DCTN2: variants seen among roughly 807,000 people sequenced by gnomAD.
DCTN2 encodes the protein dynactin subunit 2.
Under a neutral mutation model 55.4 loss-of-function variants are expected in DCTN2, and 18 were observed. The ratio of observed to expected loss-of-function variants is 0.32; its 90% confidence interval spans 0.22 to 0.48. DCTN2 has a LOEUF of 0.48. DCTN2 is among the 20% of genes least tolerant of loss of function. The probability of loss-of-function intolerance (pLI) is 0.99; values close to 1 mark genes in which losing one functional copy is unlikely to be tolerated. For missense variants in DCTN2, 390 were observed against 491.0 expected (o/e 0.79, Z 1.94); for synonymous variants, 168 against 185.2 (o/e 0.91, Z 0.76).
rs1879831589 is a variant in DCTN2 at position 57,532,552 on chromosome 12, G to A, written c.924+20C>T. 1 of 1,612,950 alleles carries A rather than the reference G, an allele frequency of 6.2e-7. No individual in the cohort carries two copies. The highest frequency in any genetic ancestry group is 1.3e-5 in the African/African-American group (1 of 74,874). Reference sequence around the variant, plus strand: ...GAACCTGAGGGAGTGGAAAGGAGATGGGGAAGGTGTCTTCCTGACCTTGCT... The same window carrying A: ...GAACCTGAGGGAGTGGAAAGGAGATAGGGAAGGTGTCTTCCTGACCTTGCT... On this transcript the variant is annotated intron_variant, in intron 11 of 13. Coordinates refer to ENST00000548249, the MANE Select transcript of DCTN2 (RefSeq NM_001261413.2).
chr12:57,546,293 T>C lies in DCTN2; in HGVS notation c.37-197A>G, dbSNP rs1669296. ...GGGGTAGGGATGACAGCGGAAACAATTGGGACCTGACAGTAAACGGTGAGT... is the reference window on the plus strand; with the variant it reads ...GGGGTAGGGATGACAGCGGAAACAACTGGGACCTGACAGTAAACGGTGAGT... On this transcript the variant is annotated intron_variant, in intron 1 of 13. Coordinates refer to ENST00000548249, the MANE Select transcript of DCTN2 (RefSeq NM_001261413.2). 0.17 allele frequency among the ~76,000 whole-genome samples: 26,368 copies of C among 151,892 alleles called. 2,405 individuals carry two copies. Among genetic ancestry groups the C allele is most frequent in the East Asian group, 0.26 (1,355 of 5,142 alleles).
Position 57,532,997 on chromosome 12 carries a change from C to T in DCTN2, c.761G>A (p.Gly254Glu), listed in dbSNP as rs753967632. 6 of 1,603,570 alleles carry T rather than the reference C, an allele frequency of 3.7e-6. No individual in the cohort carries two copies. The highest frequency in any genetic ancestry group is 1.7e-6 in the Non-Finnish European group (2 of 1,175,058). The change falls in exon 9 of 14, where the codon GGA becomes GAA. Residue 254 changes from glycine to glutamate, a missense_variant. Transcript: ENST00000548249. ...TTCCAAACTCACCATGAGACAGGCT[C>T]CCTGTAGACCTGCAGAAAGGGGATT... ...AQNPLSAGLQ[G>E]ACLMETVELL...
chr12:57,547,133 G>T lies in DCTN2; in HGVS notation c.-70C>A. 8.2e-7 allele frequency: 1 copy of T among 1,220,720 alleles called. No individual in the cohort carries two copies. Among genetic ancestry groups the T allele is most frequent in the Non-Finnish European group, 1.0e-6 (1 of 962,142 alleles). 75.6% of individuals were successfully genotyped at this position (1,220,720 alleles called of 1,614,324 possible). ...GGGGCCGGTGTTCGGGTAGGGGAGA[G>T]GCTGGGTTCGGGTCCCGGGCTAAGG... is the stretch of plus-strand genomic sequence containing the variant. On this transcript the variant is annotated 5_prime_UTR_variant, in exon 1 of 14. Transcript: ENST00000548249.
At chr12:57,535,281 C>T (rs1275872962) in intron 4 of DCTN2, 127 bp from the exon 5 acceptor site, 5 of 984,944 alleles carry the variant, frequency 5.1e-6, no homozygotes, top group Non-Finnish European at 7.6e-6. Flanking sequence ...ACCCTAGTAC[C>T]AAAGAACTGA....
chr12:57,544,372 G>A (rs1880963861), intron 2 of DCTN2, among the ~76,000 whole-genome samples: 1 of 148,960 alleles, frequency 6.7e-6, no homozygotes, highest in Admixed American at 6.7e-5. Flanking sequence ...GTAAATAGTT[G>A]TTATATTGTA....
chr12:57,540,243 T>C (rs1374971257), intron 2 of DCTN2, among the ~76,000 whole-genome samples: 2 of 151,974 alleles, frequency 1.3e-5, no homozygotes, highest in Admixed American at 6.6e-5. Flanking sequence ...TGGGAGAAAC[T>C]CAAGGAGAGA....
chr12:57,538,363 G>A (rs1363143282), intron 2 of DCTN2: 1 of 667,674 alleles, frequency 1.5e-6, no homozygotes, highest in Admixed American at 2.1e-5. Context: ...GCATGAGTTG[G>A]GGGCAGTATA....
In DCTN2 at chr12:57,547,143, G is replaced by C. The variant is rs1218712360; in HGVS notation, c.-80C>G. On this transcript the variant is annotated 5_prime_UTR_variant, in exon 1 of 14. Coordinates refer to ENST00000548249, the MANE Select transcript of DCTN2 (RefSeq NM_001261413.2). ...TTCGGGTAGGGGAGAGGCTGGGTTC[G>C]GGTCCCGGGCTAAGGCGGCGGCAAA... The C allele has an allele frequency of 2.5e-6, 3 of 1,192,108 alleles. No individual in the cohort carries two copies. The highest frequency in any genetic ancestry group is 4.1e-5 in the South Asian group (1 of 24,506). 73.8% of individuals were successfully genotyped at this position (1,192,108 alleles called of 1,614,324 possible). A position where few individuals can be genotyped will look rare whatever the true frequency, so the allele number is the denominator to read the frequency against.
chr12:57,535,180 G>A, intron 4 of DCTN2, 26 bp from the exon 5 acceptor site: 1 of 1,567,148 alleles, frequency 6.4e-7, no homozygotes, highest in South Asian at 1.1e-5. Flanking sequence ...AGAGGGTAAT[G>A]TTATATGTCT....
At chr12:57,535,336 G>C (rs935401306) in intron 4 of DCTN2, 148 bp downstream of exon 4, 7 of 1,133,424 alleles carry the variant, frequency 6.2e-6, no homozygotes, top group Non-Finnish European at 7.7e-6. Context: ...ACAGCAGTAG[G>C]GCAGAGTTTC....
intron 2 of DCTN2, chr12:57,542,973 C>T (rs1231280295): frequency 6.6e-6 from 3 of 456,018 alleles, no homozygotes; most frequent in East Asian, 6.9e-5. Flanking sequence ...CCTGTGCATA[C>T]ATTACCTACT....
intron 13 of DCTN2, among the ~76,000 whole-genome samples, chr12:57,531,278 T>C (rs559876905): frequency 3.2e-4 from 48 of 152,138 alleles, no homozygotes; most frequent in African/African-American, 1.2e-3. Context: ...TCTCAGCACT[T>C]TGGGAGGCCG....
chr12:57,540,551 G>A (rs1880612645), intron 2 of DCTN2, among the ~76,000 whole-genome samples: 1 of 152,164 alleles, frequency 6.6e-6, no homozygotes, highest in South Asian at 2.1e-4. Flanking sequence ...GACCCCCCAG[G>A]GCTGTTTGGC....
intron 2 of DCTN2, among the ~76,000 whole-genome samples, chr12:57,537,363 A>G (rs1235364289): frequency 1.2e-4 from 14 of 120,792 alleles, no homozygotes; most frequent in African/African-American, 2.8e-4. Context: ...GAGAGAAAAG[A>G]AAAAAAAAAA....
chr12:57,546,999 T>C, intron 1 of DCTN2, 29 bp downstream of exon 1: 1 of 1,286,380 alleles, frequency 7.8e-7, no homozygotes. Flanking sequence ...GGCGCGGTCC[T>C]GGGGAGCCGG....
In DCTN2 at chr12:57,534,035, G is replaced by C; in HGVS notation, c.587C>G (p.Thr196Ser). 6.2e-7 allele frequency: 1 copy of C among 1,613,646 alleles called. No individual in the cohort carries two copies. Among genetic ancestry groups the C allele is most frequent in the South Asian group, 1.1e-5 (1 of 91,028 alleles). Residue 196 changes from threonine to serine, a missense_variant, in exon 7 of 14, where the codon ACT becomes AGT. Coordinates refer to ENST00000548249, the MANE Select transcript of DCTN2 (RefSeq NM_001261413.2). ...AAGGCTGCTATCTGGGGGGGTCCCAGTGGTTTTTCCCCCTGATCCCCCTTT... is the reference window on the plus strand; with the variant it reads ...AAGGCTGCTATCTGGGGGGGTCCCACTGGTTTTTCCCCCTGATCCCCCTTT... The part of the protein sequence containing the change: ...NSKGGSGGKT[T>S]GTPPDSSLVT...
In DCTN2 at chr12:57,530,494, T is replaced by A; in HGVS notation, c.*195A>T. 2.0e-6 allele frequency: 1 copy of A among 508,406 alleles called. No homozygotes were observed. Among genetic ancestry groups the A allele is most frequent in the Non-Finnish European group, 3.5e-6 (1 of 285,942 alleles). 31.5% of individuals were successfully genotyped at this position (508,406 alleles called of 1,614,324 possible). Reference sequence around the variant, plus strand: ...GGCCTGAGGGGAGACCACCTTCTGATGATAACCAACCCCTAGCTACCACTC... The same window carrying A: ...GGCCTGAGGGGAGACCACCTTCTGAAGATAACCAACCCCTAGCTACCACTC... On this transcript the variant is annotated 3_prime_UTR_variant, in exon 14 of 14. Transcript: ENST00000548249.
rs1057327854 is a variant in DCTN2, at chr12:57,533,367, G to C, written c.670-64C>G. ...CCTGCTGCTGCAATGGGAGGAATAC[G>C]ATCCTGCTCTACTCTGCCTGCCACT... On this transcript the variant is annotated intron_variant, in intron 7 of 13. Transcript: ENST00000548249. 6.9e-6 allele frequency: 10 copies of C among 1,449,902 alleles called. No homozygotes were observed. The African/African-American group carries it at 1.3e-4, about 18-fold the overall frequency. 89.8% of individuals were successfully genotyped at this position (1,449,902 alleles called of 1,614,324 possible). A position where few individuals can be genotyped will look rare whatever the true frequency, so the allele number is the denominator to read the frequency against.
At chr12:57,538,589 G>C in intron 2 of DCTN2, 2 of 726,880 alleles carry the variant, frequency 2.8e-6, no homozygotes, top group Non-Finnish European at 5.0e-6. Flanking sequence ...GGGGAATGGG[G>C]ATGAGGGAGG....
Sources: gnomAD v4.1 joint callset for allele counts (sites outside exome capture counted in the v4.1 genomes callset) on GRCh38, gnomAD v4.1.1 for gene constraint, MANE v1.5 for transcripts, NCBI Gene and HGNC (gene_info 2026-07-23, HGNC 2026-07-21) for gene names.